The following SEMA3C variants were observed in gnomAD, a reference collection of about 807,000 sequenced individuals.
SEMA3C encodes semaphorin 3C.
SEMA3C carries 47 observed loss-of-function variants against 89.4 expected under a neutral mutation model. The ratio of observed to expected loss-of-function variants is 0.53; its 90% CI spans 0.42 to 0.67. SEMA3C has a LOEUF of 0.67. Among genes scored for constraint, SEMA3C ranks in the 30% least tolerant of loss-of-function variants. SEMA3C has a pLI of 0.00. For synonymous variants in SEMA3C, 310 were observed against 320.2 expected, an observed-to-expected ratio of 0.97 and a Z score of 0.34; for missense variants, 839 against 929.1, an observed-to-expected ratio of 0.90 and a Z score of 1.26.
chr7:80,764,505 A>AT (rs1562864650), intron 13 of SEMA3C, among the ~76,000 whole-genome samples: 1 of 152,166 alleles, frequency 6.6e-6, no homozygotes, highest in African/African-American at 2.4e-5. Context: ...ATACATAAAG[A>AT]ACATGCACTC....
chr7:80,848,508 C>T (rs967868551), intron 2 of SEMA3C, among the ~76,000 whole-genome samples: 3 of 152,188 alleles, frequency 2.0e-5, no homozygotes, highest in Admixed American at 6.5e-5. Context: ...CTGAAGGTCA[C>T]GTCATGGTGC....
At chr7:80,879,316 G>A (rs1028343098) in intron 2 of SEMA3C, among the ~76,000 whole-genome samples, 18 of 152,192 alleles carry the variant, frequency 1.2e-4, no homozygotes, top group African/African-American at 3.9e-4. Context: ...GGACAAATAA[G>A]TGATGGAACA....
intron 2 of SEMA3C, among the ~76,000 whole-genome samples, chr7:80,911,160 T>C (rs1357553930): frequency 6.6e-6 from 1 of 152,198 alleles, no homozygotes; most frequent in East Asian, 1.9e-4. Context: ...CTAAGAGCAA[T>C]GTAAAATTCT....
At position 80,804,222 on chromosome 7, in the gene SEMA3C, T is replaced by C; in HGVS notation, c.685A>G (p.Ile229Val). 1 of 1,608,170 alleles carries C rather than the reference T, an allele frequency of 6.2e-7. No individual in the cohort carries two copies. Among genetic ancestry groups the C allele is most frequent in the South Asian group, 1.1e-5 (1 of 89,836 alleles). ...TCATTTGGATCAGTACCATCTGGGA[T>C]GACATGTGCATCTACAAACATAGGT... Reference protein sequence around the residue: ...SEPMFVDAHVIPDGTDPNDAK... With the variant: ...SEPMFVDAHVVPDGTDPNDAK... The change falls in exon 8 of 18, where the codon ATC (isoleucine) becomes GTC (valine). Residue 229 changes from isoleucine to valine, a missense_variant. Coordinates refer to ENST00000265361, the MANE Select transcript of SEMA3C (RefSeq NM_006379.5).
chr7:80,791,316 T>A (rs1010017966), intron 11 of SEMA3C, among the ~76,000 whole-genome samples: 30 of 152,216 alleles, frequency 2.0e-4, no homozygotes, highest in Non-Finnish European at 2.9e-5. Flanking sequence ...CCATTGGGTA[T>A]AATATTTTAA....
intron 14 of SEMA3C, 41 bp downstream of exon 14, chr7:80,761,575 C>G (rs778809396): frequency 1.5e-5 from 16 of 1,063,198 alleles, no homozygotes. Flanking sequence ...AACAACAAAA[C>G]ATTTCAATAA....
At chr7:80,862,547 C>G (rs1164513435) in intron 2 of SEMA3C, among the ~76,000 whole-genome samples, 1 of 152,204 alleles carries the variant, frequency 6.6e-6, no homozygotes, top group Admixed American at 6.5e-5. Context: ...ATGCAATCCC[C>G]ATCAAAATAC....
chr7:80,896,542 G>C (rs759087736), intron 2 of SEMA3C, among the ~76,000 whole-genome samples: 6 of 152,174 alleles, frequency 3.9e-5, no homozygotes, highest in Admixed American at 1.3e-4. Context: ...AAATATATGA[G>C]ATAACGTAGA....
intron 2 of SEMA3C, among the ~76,000 whole-genome samples, chr7:80,886,010 C>T (rs1453693455): frequency 6.6e-6 from 1 of 152,156 alleles, no homozygotes; most frequent in Non-Finnish European, 1.5e-5. Context: ...CAGTTGTCCC[C>T]TTTGAGACCT....
At chr7:80,790,317 G>GAGGAGGAGGAGAA (rs1299478737) in intron 11 of SEMA3C, among the ~76,000 whole-genome samples, 6 of 152,004 alleles carry the variant, frequency 3.9e-5, no homozygotes, top group Admixed American at 3.9e-4. Context: ...AAAAAAGGAG[G>GAGGAGGAGGAGAA]AGGAGGAGGA....
chr7:80,910,787 G>GA (rs1276238335), intron 2 of SEMA3C, among the ~76,000 whole-genome samples: 1 of 149,664 alleles, frequency 6.7e-6, no homozygotes, highest in Non-Finnish European at 1.5e-5. Flanking sequence ...GTTTATGAAA[G>GA]AAAAAATTGA....
chr7:80,912,624 C>T (rs1792179321), intron 2 of SEMA3C, among the ~76,000 whole-genome samples: 1 of 152,120 alleles, frequency 6.6e-6, no homozygotes, highest in Non-Finnish European at 1.5e-5. Flanking sequence ...CTCATGTGTG[C>T]TTCAAGATAT....
chr7:80,863,752 T>A (rs149958327), intron 2 of SEMA3C, among the ~76,000 whole-genome samples: 10 of 138,992 alleles, frequency 7.2e-5, no homozygotes, highest in African/African-American at 2.7e-4. Flanking sequence ...TAGTATTCCA[T>A]CATATATATA....
intron 2 of SEMA3C, among the ~76,000 whole-genome samples, chr7:80,886,189 C>T (rs1791470551): frequency 6.6e-6 from 1 of 151,834 alleles, no homozygotes; most frequent in Non-Finnish European, 1.5e-5. Flanking sequence ...TATTATTGCA[C>T]ATATCAAGTC....
intron 12 of SEMA3C, among the ~76,000 whole-genome samples, chr7:80,781,327 G>A (rs1788685815): frequency 1.3e-5 from 2 of 152,142 alleles, no homozygotes; most frequent in Admixed American, 1.3e-4. Context: ...GCATTATTCT[G>A]CCCACCCCAT....
chr7:80,778,074 C>A (rs3800556), intron 12 of SEMA3C, among the ~76,000 whole-genome samples: 34,836 of 151,816 alleles, frequency 0.23, 4,429 homozygotes, highest in East Asian at 0.51. Context: ...GTTAAAAAAA[C>A]CCCCATAATA....
At chr7:80,787,951 C>A (rs3778679) in intron 12 of SEMA3C, among the ~76,000 whole-genome samples, 3 of 152,024 alleles carry the variant, frequency 2.0e-5, no homozygotes, top group African/African-American at 7.2e-5. Context: ...AAAAGGATAA[C>A]AAATGTAGTA....
chr7:80,800,152 CAAA>C (rs1215573724), intron 10 of SEMA3C, among the ~76,000 whole-genome samples: 5 of 58,378 alleles, frequency 8.6e-5, no homozygotes, highest in Admixed American at 1.7e-4. Context: ...GACTCCATCT[CAAA>C]AAAAAAAAAA....
chr7:80,744,046 A>G lies in SEMA3C; in HGVS notation c.*848T>C, dbSNP rs1048797786. On this transcript the variant is annotated 3_prime_UTR_variant, in exon 18 of 18. Coordinates refer to ENST00000265361, the MANE Select transcript of SEMA3C (RefSeq NM_006379.5). ...CTAATACTTCAAATTTTTCCTTCTTATATTGTTTAATTTGCCACACAGACT... is the reference window on the plus strand; with the variant it reads ...CTAATACTTCAAATTTTTCCTTCTTGTATTGTTTAATTTGCCACACAGACT... 1.3e-5 allele frequency: 2 copies of G among 152,010 alleles called. No individual in the cohort carries two copies. Among genetic ancestry groups the G allele is most frequent in the African/African-American group, 4.8e-5 (2 of 41,400 alleles). 9.4% of individuals were successfully genotyped at this position (152,010 alleles called of 1,614,324 possible).
Sources: allele counts gnomAD v4.1 joint callset (sites outside exome capture counted in the v4.1 genomes callset), GRCh38; gene constraint gnomAD v4.1.1; transcripts MANE v1.5; gene names NCBI Gene and HGNC (gene_info 2026-07-23, HGNC 2026-07-21).